Variants in RALGPS1 observed in about 807,000 individuals in gnomAD.
RALGPS1 encodes ras-specific guanine nucleotide-releasing factor RalGPS1.
A neutral mutation model predicts 78.8 loss-of-function variants in RALGPS1; 19 were observed. The observed-to-expected ratio is 0.24, with a 90% CI of 0.17 to 0.35. The LOEUF (loss-of-function observed/expected upper bound fraction) is 0.35. RALGPS1 is among the 10% of genes least tolerant of loss of function. The pLI is 1.00. For synonymous variants in RALGPS1, 228 were observed against 256.3 expected (o/e 0.89, Z 1.06); for missense variants, 454 against 688.3 (o/e 0.66, Z 3.81).
chr9:127,082,600 G>A (rs1428928166), intron 8 of RALGPS1, among the ~76,000 whole-genome samples: 2 of 152,178 alleles, frequency 1.3e-5, no homozygotes, highest in Non-Finnish European at 2.9e-5. Flanking sequence ...TATAGTGATC[G>A]ATGCTGTAGA....
In RALGPS1 at chr9:127,153,375, CTTTTT is replaced by C. The variant is rs60308901; in HGVS notation, c.611-12674_611-12670del. Among the ~76,000 whole-genome samples, 849 of 102,116 alleles carry C rather than the reference CTTTTT, an allele frequency of 8.3e-3. 7 individuals carry two copies. The highest frequency in any genetic ancestry group is 0.03 in the African/African-American group (823 of 27,708). The allele number at this position is 102,116 out of a possible 152,430, so 67.0% of individuals were successfully genotyped here. A position where few individuals can be genotyped will look rare whatever the true frequency, so the allele number is the denominator to read the frequency against. On this transcript the variant is annotated intron_variant, in intron 8 of 18. Transcript: ENST00000259351. ...CACGTAAATGTATGCTAGAGGATTA[CTTTTT>C]TTTTTTTTTTTTTTTTTTTAGCAGT...
intron 11 of RALGPS1, among the ~76,000 whole-genome samples, chr9:127,193,184 G>A (rs1428381288): frequency 2.6e-5 from 4 of 152,152 alleles, no homozygotes; most frequent in African/African-American, 9.7e-5. Flanking sequence ...GAAGAGAAGG[G>A]CCCCGGCCTG....
At chr9:127,000,643 G>A (rs1201194669) in intron 4 of RALGPS1, among the ~76,000 whole-genome samples, 4 of 137,466 alleles carry the variant, frequency 2.9e-5, no homozygotes, top group Non-Finnish European at 6.1e-5. Flanking sequence ...TTGCTTCCCA[G>A]GTTCAAGCGA....
At chr9:127,154,120 C>T (rs1359020730) in intron 8 of RALGPS1, among the ~76,000 whole-genome samples, 1 of 152,250 alleles carries the variant, frequency 6.6e-6, no homozygotes, top group Non-Finnish European at 1.5e-5. Flanking sequence ...TTCCATCACC[C>T]GCTGCTGGCA....
rs188749354 is a variant in RALGPS1 at position 127,138,642 on chromosome 9, G to A, written c.611-27427G>A. Among the ~76,000 whole-genome samples, 103 of 152,308 alleles carry A rather than the reference G, an allele frequency of 6.8e-4. 1 individual carries two copies. The highest frequency in any genetic ancestry group is 1.1e-3 in the Non-Finnish European group (73 of 68,014). On this transcript the variant is annotated intron_variant, in intron 8 of 18. Coordinates refer to ENST00000259351, the MANE Select transcript of RALGPS1 (RefSeq NM_014636.3). ...CAGCCCTGCAGAGCCACAGAATCCT[G>A]TGGAGGTCAGCCACGGAAGGACAGA...
At chr9:127,075,675 G>T (rs1469958600) in intron 8 of RALGPS1, among the ~76,000 whole-genome samples, 1 of 152,218 alleles carries the variant, frequency 6.6e-6, no homozygotes, top group Non-Finnish European at 1.5e-5. Context: ...GTTTTTCTGG[G>T]AGGAACTGTA....
intron 8 of RALGPS1, among the ~76,000 whole-genome samples, chr9:127,138,235 C>G (rs553010987): frequency 2.0e-5 from 3 of 152,328 alleles, no homozygotes; most frequent in Admixed American, 1.3e-4. Context: ...AATGTTAGAG[C>G]TGTAAGTTCC....
At chr9:127,124,365 A>G (rs1055575409) in intron 8 of RALGPS1, among the ~76,000 whole-genome samples, 1 of 151,982 alleles carries the variant, frequency 6.6e-6, no homozygotes, top group Non-Finnish European at 1.5e-5. Context: ...CAGGAGCATC[A>G]GCCGCAGACA....
At chr9:127,196,025 G>A (rs941056442) in intron 12 of RALGPS1, among the ~76,000 whole-genome samples, 1 of 152,216 alleles carries the variant, frequency 6.6e-6, no homozygotes, top group East Asian at 1.9e-4. Flanking sequence ...TGAGGTGGGT[G>A]CTATTATTAC....
In RALGPS1 at chr9:126,973,049, GA is replaced by G. The variant is rs1288047001; in HGVS notation, c.166-4645del. 2.6e-5 allele frequency among the ~76,000 whole-genome samples: 4 copies of G among 152,080 alleles called. No homozygotes were observed. The East Asian group carries it at 7.7e-4, about 29-fold the overall frequency. On this transcript the variant is annotated intron_variant, in intron 3 of 18. Transcript: ENST00000259351. ...TGCACTCCAACCTGGGCGACAGAGC[GA>G]GACTCCATCTCAAAACAAACAAAAA... is the stretch of plus-strand genomic sequence containing the variant.
At chr9:127,004,089 A>G (rs893100377) in intron 4 of RALGPS1, among the ~76,000 whole-genome samples, 1 of 152,208 alleles carries the variant, frequency 6.6e-6, no homozygotes, top group Non-Finnish European at 1.5e-5. Flanking sequence ...TGCCGTAGAC[A>G]GAGTCAAAGT....
At chr9:126,930,818 A>G (rs2035722384) in intron 1 of RALGPS1, among the ~76,000 whole-genome samples, 1 of 152,202 alleles carries the variant, frequency 6.6e-6, no homozygotes, top group Non-Finnish European at 1.5e-5. Context: ...ATTCATTTCT[A>G]CAAATGTTTG....
chr9:127,155,908 T>G (rs1209056308), intron 8 of RALGPS1, among the ~76,000 whole-genome samples: 1 of 152,154 alleles, frequency 6.6e-6, no homozygotes, highest in Non-Finnish European at 1.5e-5. Context: ...CTTTTTTTTT[T>G]TTTACTTCTA....
chr9:126,917,952 C>G (rs1460688451), intron 1 of RALGPS1, among the ~76,000 whole-genome samples: 1 of 152,164 alleles, frequency 6.6e-6, no homozygotes, highest in Non-Finnish European at 1.5e-5. Context: ...AGGGAGGAAA[C>G]TAATGACCTC....
At chr9:127,036,627 A>G (rs2046885959) in intron 5 of RALGPS1, among the ~76,000 whole-genome samples, 1 of 152,186 alleles carries the variant, frequency 6.6e-6, no homozygotes, top group African/African-American at 2.4e-5. Flanking sequence ...ACAGAAACCC[A>G]GTGGCTAGTG....
rs765089810 is a variant in RALGPS1, at chr9:127,220,797, G to C, written c.*2028G>C. 2.0e-5 allele frequency: 3 copies of C among 152,448 alleles called. No individual in the cohort carries two copies. The highest frequency in any genetic ancestry group is 6.5e-5 in the Admixed American group (1 of 15,276). 9.4% of individuals were successfully genotyped at this position (152,448 alleles called of 1,614,324 possible). A position where few individuals can be genotyped will look rare whatever the true frequency, so the allele number is the denominator to read the frequency against. On this transcript the variant is annotated 3_prime_UTR_variant, in exon 19 of 19. Coordinates refer to ENST00000259351, the MANE Select transcript of RALGPS1 (RefSeq NM_014636.3). ...CTTGGGTTTTTCCACTCTGCAAACT[G>C]TCCTGGTTTTTCACACCAATGAAGT...
intron 4 of RALGPS1, among the ~76,000 whole-genome samples, chr9:126,987,420 ATTT>A (rs956580081): frequency 1.6e-4 from 24 of 152,162 alleles, no homozygotes; most frequent in African/African-American, 5.3e-4. Flanking sequence ...GCTCAGCAAA[ATTT>A]AATACTACTT....
rs1450898736 is a variant in RALGPS1, at chr9:127,222,313, G to A, written c.*3544G>A. ...CAGACTGAATGGCCTCTTGGTCTGC[G>A]AAAATTCAGTTGCAATGAGGATGAA... On this transcript the variant is annotated 3_prime_UTR_variant, in exon 19 of 19. Coordinates refer to ENST00000259351, the MANE Select transcript of RALGPS1 (RefSeq NM_014636.3). 2 of 152,214 alleles carry A rather than the reference G, an allele frequency of 1.3e-5. No individual in the cohort carries two copies. The highest frequency in any genetic ancestry group is 2.4e-5 in the African/African-American group (1 of 41,438). 9.4% of individuals were successfully genotyped at this position (152,214 alleles called of 1,614,324 possible).
intron 8 of RALGPS1, among the ~76,000 whole-genome samples, chr9:127,117,391 A>G (rs1589580100): frequency 6.6e-6 from 1 of 152,336 alleles, no homozygotes; most frequent in East Asian, 1.9e-4. Flanking sequence ...ATAGGAATTC[A>G]AGAACTTCAT....
Sources: gnomAD v4.1 joint callset for allele counts (sites outside exome capture counted in the v4.1 genomes callset) on GRCh38, gnomAD v4.1.1 for gene constraint, MANE v1.5 for transcripts, NCBI Gene and HGNC (gene_info 2026-07-23, HGNC 2026-07-21) for gene names.